Variants in AGBL4 observed in about 807,000 individuals in gnomAD.
AGBL4 encodes the protein cytosolic carboxypeptidase 6.
In AGBL4, 58 loss-of-function variants were observed where a neutral mutation model predicts 66.4. The observed-to-expected ratio is 0.87, with a 90% confidence interval of 0.71 to 1.09. AGBL4 has a LOEUF of 1.09. AGBL4 is among the 50% of genes least tolerant of loss of function. The pLI is 0.00. For missense variants in AGBL4, 579 were observed against 631.0 expected (o/e 0.92, Z 0.88); for synonymous variants, 234 against 222.9 (o/e 1.05, Z -0.44).
At chr1:48,997,824 T>C (rs991600654) in intron 5 of AGBL4, among the ~76,000 whole-genome samples, 3 of 152,236 alleles carry the variant, frequency 2.0e-5, no homozygotes, top group Admixed American at 6.5e-5. Context: ...GATAAATGGA[T>C]ATTGCCACCA....
At chr1:49,251,735 C>A (rs1652084526) in intron 3 of AGBL4, among the ~76,000 whole-genome samples, 1 of 152,162 alleles carries the variant, frequency 6.6e-6, no homozygotes, top group Non-Finnish European at 1.5e-5. Context: ...AACTGCAAAC[C>A]TTGAGCAGCT....
intron 5 of AGBL4, among the ~76,000 whole-genome samples, chr1:49,042,782 T>C (rs1161800374): frequency 6.6e-6 from 1 of 152,212 alleles, no homozygotes; most frequent in African/African-American, 2.4e-5. Flanking sequence ...TAAGTTGTAA[T>C]TTTATATATG....
intron 1 of AGBL4, among the ~76,000 whole-genome samples, chr1:49,909,813 G>A (rs1441417016): frequency 1.3e-5 from 2 of 152,174 alleles, no homozygotes; most frequent in African/African-American, 4.8e-5. Context: ...GATATAGATT[G>A]CTAGAGAAAG....
intron 5 of AGBL4, among the ~76,000 whole-genome samples, chr1:48,954,958 C>A (rs1292617842): frequency 1.3e-5 from 2 of 152,014 alleles, no homozygotes; most frequent in African/African-American, 4.8e-5. Context: ...GCTATTATTA[C>A]CTTCATTTTA....
intron 3 of AGBL4, among the ~76,000 whole-genome samples, chr1:49,405,256 G>A (rs956816521): frequency 3.3e-5 from 5 of 152,014 alleles, no homozygotes; most frequent in Admixed American, 1.3e-4. Context: ...ATTAGTACCC[G>A]TTCTCACCGG....
intron 3 of AGBL4, among the ~76,000 whole-genome samples, chr1:49,639,475 T>C (rs1645740223): frequency 6.6e-6 from 1 of 152,202 alleles, no homozygotes; most frequent in African/African-American, 2.4e-5. Flanking sequence ...ATTCTTCTTA[T>C]CCTATTTACA....
At chr1:49,945,200 C>G (rs2148300846) in intron 1 of AGBL4, among the ~76,000 whole-genome samples, 1 of 152,174 alleles carries the variant, frequency 6.6e-6, no homozygotes, top group South Asian at 2.1e-4. Context: ...CATCCAAATA[C>G]AAGAAGCTCA....
intron 1 of AGBL4, among the ~76,000 whole-genome samples, chr1:49,895,233 GA>G (rs1649074512): frequency 6.8e-6 from 1 of 148,080 alleles, no homozygotes; most frequent in Non-Finnish European, 1.5e-5. Context: ...TTCAACACCA[GA>G]CCTGTTCTAT....
At chr1:49,919,189 C>G (rs989428099) in intron 1 of AGBL4, among the ~76,000 whole-genome samples, 1 of 152,156 alleles carries the variant, frequency 6.6e-6, no homozygotes. Context: ...CAGGGACGAC[C>G]TCTCTCACCA....
At chr1:50,001,679 C>T (rs1660768984) in intron 1 of AGBL4, among the ~76,000 whole-genome samples, 1 of 152,070 alleles carries the variant, frequency 6.6e-6, no homozygotes, top group African/African-American at 2.4e-5. Flanking sequence ...CGGCCTTTGT[C>T]CCCTGCTAAA....
At chr1:49,977,532 T>C (rs1219257230) in intron 1 of AGBL4, among the ~76,000 whole-genome samples, 1 of 152,256 alleles carries the variant, frequency 6.6e-6, no homozygotes, top group Non-Finnish European at 1.5e-5. Context: ...GAGGACAGCA[T>C]TTCCTTTTTT....
At chr1:48,781,052 C>A (rs1311534379) in intron 6 of AGBL4, among the ~76,000 whole-genome samples, 1 of 152,196 alleles carries the variant, frequency 6.6e-6, no homozygotes, top group African/African-American at 2.4e-5. Flanking sequence ...GATTCTACCA[C>A]TTGTAAGACA....
At chr1:49,505,423 A>T (rs1169303051) in intron 3 of AGBL4, among the ~76,000 whole-genome samples, 1 of 151,914 alleles carries the variant, frequency 6.6e-6, no homozygotes, top group Non-Finnish European at 1.5e-5. Flanking sequence ...GGTGACAGTG[A>T]ACTCCCTCAG....
chr1:49,000,135 T>C (rs1316713038), intron 5 of AGBL4, among the ~76,000 whole-genome samples: 2 of 152,172 alleles, frequency 1.3e-5, no homozygotes, highest in Non-Finnish European at 2.9e-5. Flanking sequence ...TGCAAGTAGG[T>C]ACTATTATTA....
At chr1:49,166,975 G>C (rs766805662) in intron 4 of AGBL4, among the ~76,000 whole-genome samples, 46 of 152,134 alleles carry the variant, frequency 3.0e-4, no homozygotes, top group Non-Finnish European at 5.6e-4. Context: ...AATATAGCTT[G>C]GTGTCCACAA....
intron 3 of AGBL4, among the ~76,000 whole-genome samples, chr1:49,505,519 T>G (rs1336157604): frequency 6.6e-6 from 1 of 151,954 alleles, no homozygotes; most frequent in Non-Finnish European, 1.5e-5. Context: ...CTGTCAGGTT[T>G]TTTTGTCCTT....
chr1:48,929,717 C>T (rs1654883037), intron 5 of AGBL4, among the ~76,000 whole-genome samples: 1 of 152,200 alleles, frequency 6.6e-6, no homozygotes, highest in Admixed American at 6.5e-5. Flanking sequence ...AACATTGCCA[C>T]TCCTTTATAG....
intron 1 of AGBL4, among the ~76,000 whole-genome samples, chr1:49,891,298 A>G (rs930869821): frequency 2.6e-5 from 4 of 152,220 alleles, no homozygotes. Flanking sequence ...TCCTCCCAAA[A>G]TATCACTGAA....
At chr1:48,737,078 T>C (rs1388296027) in intron 6 of AGBL4, among the ~76,000 whole-genome samples, 1 of 151,958 alleles carries the variant, frequency 6.6e-6, no homozygotes, top group Admixed American at 6.6e-5. Flanking sequence ...GATCAGGAGA[T>C]TGGGACCATC....
Sources: gnomAD v4.1 joint callset for allele counts (sites outside exome capture counted in the v4.1 genomes callset) on GRCh38, gnomAD v4.1.1 for gene constraint, MANE v1.5 for transcripts, NCBI Gene and HGNC (gene_info 2026-07-23, HGNC 2026-07-21) for gene names.